Variants in PLCB1 observed in about 807,000 individuals in gnomAD.
The protein encoded by PLCB1 is 1-phosphatidylinositol 4,5-bisphosphate phosphodiesterase beta-1.
In PLCB1, 46 loss-of-function variants were observed where a neutral mutation model predicts 161.8. The ratio of observed to expected loss-of-function variants is 0.28; its 90% CI spans 0.22 to 0.36. The LOEUF (loss-of-function observed/expected upper bound fraction) is 0.36. Ranked by LOEUF, PLCB1 falls within the 10% of genes least tolerant of loss-of-function variation. The pLI is 1.00. For missense variants in PLCB1, 1,016 were observed against 1,472.5 expected, an observed-to-expected ratio of 0.69 and a Z score of 5.07; for synonymous variants, 517 against 503.7, an observed-to-expected ratio of 1.03 and a Z score of -0.35.
At chr20:8,482,162 G>A (rs1435472170) in intron 3 of PLCB1, among the ~76,000 whole-genome samples, 2 of 141,098 alleles carry the variant, frequency 1.4e-5, no homozygotes, top group Non-Finnish European at 3.0e-5. Flanking sequence ...GGAGTGAAGT[G>A]GCGTGATCTC....
chr20:8,205,861 T>C (rs1978499054), intron 2 of PLCB1, among the ~76,000 whole-genome samples: 1 of 152,136 alleles, frequency 6.6e-6, no homozygotes, highest in South Asian at 2.1e-4. Context: ...GGCTGGTTTA[T>C]GGCTTTGAGT....
At chr20:8,789,942 T>G (rs1415203724) in intron 30 of PLCB1, among the ~76,000 whole-genome samples, 1 of 152,154 alleles carries the variant, frequency 6.6e-6, no homozygotes, top group Non-Finnish European at 1.5e-5. Context: ...TGTTTACATA[T>G]TTATAAAAAG....
intron 9 of PLCB1, among the ~76,000 whole-genome samples, chr20:8,683,401 A>AT (rs1990270267): frequency 4.6e-5 from 7 of 151,802 alleles, no homozygotes; most frequent in Admixed American, 4.6e-4. Context: ...AACAAGAAAA[A>AT]AAAAAGAAAT....
At chr20:8,183,592 A>G (rs1344162088) in intron 2 of PLCB1, among the ~76,000 whole-genome samples, 1 of 152,230 alleles carries the variant, frequency 6.6e-6, no homozygotes, top group African/African-American at 2.4e-5. Flanking sequence ...ATACTAGAGA[A>G]GAAATTTTGT....
intron 3 of PLCB1, among the ~76,000 whole-genome samples, chr20:8,376,651 G>A (rs796658125): frequency 6.6e-5 from 10 of 152,290 alleles, no homozygotes; most frequent in South Asian, 2.1e-4. Context: ...GAAATCAGCC[G>A]GGCGCAGTGG....
chr20:8,789,394 T>C (rs1285930854), intron 29 of PLCB1, 124 bp from the exon 30 acceptor site: 7 of 717,446 alleles, frequency 9.8e-6, no homozygotes, highest in Admixed American at 6.4e-5. Context: ...AATAAATAGA[T>C]AAAAATAAGG....
intron 3 of PLCB1, among the ~76,000 whole-genome samples, chr20:8,549,757 G>A (rs1487703018): frequency 1.3e-5 from 2 of 152,112 alleles, no homozygotes; most frequent in African/African-American, 4.8e-5. Flanking sequence ...TTTTTGTAGA[G>A]ACAAGGTTTT....
At chr20:8,670,300 C>T (rs1358670940) in intron 9 of PLCB1, among the ~76,000 whole-genome samples, 4 of 152,216 alleles carry the variant, frequency 2.6e-5, no homozygotes, top group South Asian at 2.1e-4. Context: ...AGTAAATAAA[C>T]TCACAGATGT....
chr20:8,300,858 C>T (rs1983877614), intron 2 of PLCB1, among the ~76,000 whole-genome samples: 1 of 152,128 alleles, frequency 6.6e-6, no homozygotes, highest in African/African-American at 2.4e-5. Context: ...ATGATATATC[C>T]TCACTATAGC....
At chr20:8,323,604 C>G (rs1470013622) in intron 2 of PLCB1, among the ~76,000 whole-genome samples, 1 of 152,106 alleles carries the variant, frequency 6.6e-6, no homozygotes, top group East Asian at 1.9e-4. Context: ...TCCAAAGATT[C>G]ATGTCCTATG....
intron 3 of PLCB1, among the ~76,000 whole-genome samples, chr20:8,570,097 C>T (rs1395671432): frequency 6.6e-6 from 1 of 152,220 alleles, no homozygotes; most frequent in East Asian, 1.9e-4. Context: ...CATTTTGATG[C>T]CAACAGAAAC....
At chr20:8,657,079 G>GTAAACATTCATAACACACCT (rs1989481257) in intron 7 of PLCB1, 105 bp from the exon 8 acceptor site, 1 of 708,050 alleles carries the variant, frequency 1.4e-6, no homozygotes, top group Non-Finnish European at 2.6e-6. Context: ...TGAGGGAAGG[G>GTAAACATTCATAACACACCT]GGGAAGAAAA....
chr20:8,742,857 G>A (rs1980956553), intron 23 of PLCB1, among the ~76,000 whole-genome samples: 1 of 152,136 alleles, frequency 6.6e-6, no homozygotes, highest in Non-Finnish European at 1.5e-5. Context: ...GTTACGGGGT[G>A]CATTTGATAT....
At chr20:8,770,651 G>A (rs561503356) in intron 26 of PLCB1, among the ~76,000 whole-genome samples, 15 of 152,246 alleles carry the variant, frequency 9.9e-5, no homozygotes, top group East Asian at 7.7e-4. Flanking sequence ...GGGACAACTC[G>A]AAGCAAAGGC....
chr20:8,203,011 C>T (rs936329491), intron 2 of PLCB1, among the ~76,000 whole-genome samples: 13 of 151,878 alleles, frequency 8.6e-5, no homozygotes, highest in African/African-American at 2.2e-4. Context: ...TTATAGTGCA[C>T]GTGGCAAGTA....
intron 3 of PLCB1, among the ~76,000 whole-genome samples, chr20:8,605,610 C>CTTT (rs74685527): frequency 2.3e-5 from 2 of 88,284 alleles, no homozygotes; most frequent in South Asian, 3.5e-4. Flanking sequence ...TTGGTGTTTT[C>CTTT]TTTTTTTTTT....
intron 9 of PLCB1, among the ~76,000 whole-genome samples, chr20:8,659,074 T>C (rs1989551065): frequency 6.6e-6 from 1 of 152,092 alleles, no homozygotes; most frequent in South Asian, 2.1e-4. Flanking sequence ...TTTTCTAACG[T>C]TCTAAAACTG....
chr20:8,289,799 G>A (rs1983301704), intron 2 of PLCB1, among the ~76,000 whole-genome samples: 1 of 152,166 alleles, frequency 6.6e-6, no homozygotes, highest in Non-Finnish European at 1.5e-5. Context: ...TCCACTGTCA[G>A]TTTCTCTTCC....
At chr20:8,309,830 C>A (rs1984311289) in intron 2 of PLCB1, among the ~76,000 whole-genome samples, 1 of 152,138 alleles carries the variant, frequency 6.6e-6, no homozygotes, top group Non-Finnish European at 1.5e-5. Flanking sequence ...ATTTCCAGTG[C>A]TAAGTGTTCT....
Sources: gnomAD v4.1 joint callset for allele counts (sites outside exome capture counted in the v4.1 genomes callset) on GRCh38, gnomAD v4.1.1 for gene constraint, MANE v1.5 for transcripts, NCBI Gene and HGNC (gene_info 2026-07-23, HGNC 2026-07-21) for gene names.